Variants in CFAP299 observed in about 807,000 individuals in gnomAD.
CFAP299 encodes the protein cilia- and flagella-associated protein 299.
Under a neutral mutation model 27.0 loss-of-function variants are expected in CFAP299, and 21 were observed. The ratio of observed to expected loss-of-function variants is 0.78; its 90% confidence interval spans 0.55 to 1.12. CFAP299 has a LOEUF of 1.12. CFAP299 is among the 50% of genes most tolerant of loss of function. The probability of loss-of-function intolerance (pLI) is 0.00; values close to 1 mark genes in which losing one functional copy is unlikely to be tolerated. For missense variants in CFAP299, 310 were observed against 276.6 expected (o/e 1.12, Z -0.86); for synonymous variants, 104 against 98.1 (o/e 1.06, Z -0.36).
intron 2 of CFAP299, among the ~76,000 whole-genome samples, chr4:80,459,384 C>A (rs1373211651): frequency 6.6e-6 from 1 of 152,186 alleles, no homozygotes; most frequent in African/African-American, 2.4e-5. Flanking sequence ...AGAAGGGATG[C>A]AAGATGCCGG....
chr4:80,753,008 G>GTAT (rs1725023382), intron 3 of CFAP299, among the ~76,000 whole-genome samples: 1 of 151,752 alleles, frequency 6.6e-6, no homozygotes, highest in Non-Finnish European at 1.5e-5. Context: ...TAGCACGTTT[G>GTAT]TATTGTAAAG....
At chr4:80,854,088 G>A (rs1731686595) in intron 3 of CFAP299, among the ~76,000 whole-genome samples, 1 of 152,146 alleles carries the variant, frequency 6.6e-6, no homozygotes, top group Non-Finnish European at 1.5e-5. Flanking sequence ...AAGAGAAGGA[G>A]CCAATTAAGA....
chr4:80,944,721 G>T (rs1737380594), intron 4 of CFAP299, 89 bp from the exon 5 acceptor site: 2 of 941,096 alleles, frequency 2.1e-6, no homozygotes, highest in African/African-American at 3.3e-5. Flanking sequence ...CTTATCTTAT[G>T]ACTGAACTTC....
At chr4:80,592,007 G>A (rs1736812468) in intron 3 of CFAP299, among the ~76,000 whole-genome samples, 1 of 152,250 alleles carries the variant, frequency 6.6e-6, no homozygotes, top group Admixed American at 6.5e-5. Flanking sequence ...TGGAGTCTAT[G>A]GATTCACACT....
chr4:80,495,797 AG>A (rs1731407129), intron 2 of CFAP299, among the ~76,000 whole-genome samples: 2 of 152,236 alleles, frequency 1.3e-5, no homozygotes, highest in Non-Finnish European at 2.9e-5. Flanking sequence ...TCAGCTTCTA[AG>A]GAGGCCTCAG....
At chr4:80,855,292 T>A (rs576861307) in intron 3 of CFAP299, among the ~76,000 whole-genome samples, 3 of 152,276 alleles carry the variant, frequency 2.0e-5, no homozygotes, top group South Asian at 4.2e-4. Context: ...ACTGTACCAA[T>A]GATATATGAT....
intron 3 of CFAP299, among the ~76,000 whole-genome samples, chr4:80,865,253 A>T (rs28694399): frequency 0.045 from 6,806 of 152,330 alleles, 234 homozygotes; most frequent in East Asian, 0.14. Flanking sequence ...GATAACAAGT[A>T]TTCATAGAAG....
chr4:80,351,812 A>G (rs1381694606), intron 1 of CFAP299, among the ~76,000 whole-genome samples: 1 of 150,628 alleles, frequency 6.6e-6, no homozygotes, highest in Non-Finnish European at 1.5e-5. Flanking sequence ...TTATAGTAAT[A>G]TATTAATAAC....
chr4:80,323,639 T>C, the CFAP299 span, among the ~76,000 whole-genome samples: 1 of 152,216 alleles, frequency 6.6e-6, no homozygotes. Flanking sequence ...AAATTAGTTA[T>C]GTAATCATGT....
At chr4:80,447,497 A>T (rs1190670611) in intron 2 of CFAP299, among the ~76,000 whole-genome samples, 1 of 151,084 alleles carries the variant, frequency 6.6e-6, no homozygotes, top group Admixed American at 6.6e-5. Flanking sequence ...CAGTGGCGTG[A>T]TCTCAGCTCA....
intron 2 of CFAP299, among the ~76,000 whole-genome samples, chr4:80,417,052 A>G (rs1048381481): frequency 6.6e-5 from 10 of 152,238 alleles, no homozygotes; most frequent in Non-Finnish European, 8.8e-5. Context: ...TCTTGATTAT[A>G]TGCTAAACAA....
At chr4:80,341,854 G>T (rs1157374828) in intron 1 of CFAP299, among the ~76,000 whole-genome samples, 2 of 152,210 alleles carry the variant, frequency 1.3e-5, no homozygotes, top group African/African-American at 4.8e-5. Flanking sequence ...GGCTTCACAA[G>T]TTGGGTAATA....
intron 3 of CFAP299, among the ~76,000 whole-genome samples, chr4:80,838,736 G>A (rs951834241): frequency 6.6e-6 from 1 of 151,910 alleles, no homozygotes; most frequent in African/African-American, 2.4e-5. Context: ...GGATTGTTTT[G>A]GCTATATGGG....
intron 2 of CFAP299, among the ~76,000 whole-genome samples, chr4:80,462,784 C>CA (rs1284811840): frequency 6.6e-6 from 1 of 152,086 alleles, no homozygotes; most frequent in Non-Finnish European, 1.5e-5. Flanking sequence ...AAAGGGCCCT[C>CA]ATTAGTCTAT....
At chr4:80,893,841 C>T (rs1238279967) in intron 4 of CFAP299, among the ~76,000 whole-genome samples, 1 of 151,812 alleles carries the variant, frequency 6.6e-6, no homozygotes, top group African/African-American at 2.4e-5. Flanking sequence ...CAAGCACAGG[C>T]AACAAAAGCA....
At chr4:80,387,853 C>T (rs974659155) in intron 2 of CFAP299, 60 of 1,320,722 alleles carry the variant, frequency 4.5e-5, no homozygotes, top group Non-Finnish European at 5.1e-5. Flanking sequence ...ACCTTTAGCC[C>T]GTGGGGTCTT....
At chr4:80,861,836 T>G (rs1343204487) in intron 3 of CFAP299, among the ~76,000 whole-genome samples, 2 of 152,178 alleles carry the variant, frequency 1.3e-5, no homozygotes, top group East Asian at 3.8e-4. Context: ...CTTTTCTGTA[T>G]AAATATTTTG....
At chr4:80,878,987 A>T (rs1369841735) in intron 4 of CFAP299, among the ~76,000 whole-genome samples, 1 of 152,176 alleles carries the variant, frequency 6.6e-6, no homozygotes, top group African/African-American at 2.4e-5. Context: ...GACATTAAAT[A>T]AATATTTCTA....
chr4:80,587,736 C>T (rs1043360404), intron 3 of CFAP299, among the ~76,000 whole-genome samples: 1 of 152,072 alleles, frequency 6.6e-6, no homozygotes, highest in Non-Finnish European at 1.5e-5. Context: ...AAACTACCAG[C>T]ATGTGTCACC....
Sources: allele counts gnomAD v4.1 joint callset (sites outside exome capture counted in the v4.1 genomes callset), GRCh38; gene constraint gnomAD v4.1.1; transcripts MANE v1.5; gene names NCBI Gene and HGNC (gene_info 2026-07-23, HGNC 2026-07-21).